The following COG5 variants were observed in gnomAD, a reference collection of about 807,000 sequenced individuals.
The protein encoded by COG5 is conserved oligomeric Golgi complex subunit 5.
Under a neutral mutation model 110.4 loss-of-function variants are expected in COG5, and 86 were observed. The ratio of observed to expected loss-of-function variants is 0.78; its 90% confidence interval spans 0.65 to 0.93. The LOEUF (loss-of-function observed/expected upper bound fraction) is 0.93. COG5 is among the 40% of genes least tolerant of loss of function. The pLI is 0.00. For missense variants in COG5, 1,077 were observed against 987.0 expected (o/e 1.09, Z -1.22); for synonymous variants, 360 against 334.6 (o/e 1.08, Z -0.83).
At position 107,526,946 on chromosome 7, in the gene COG5, G is replaced by T. The variant is rs187244889; in HGVS notation, c.538+291C>A. The stretch of plus-strand genomic sequence containing the variant: ...TCTGGAGGAGTGATGGAATTGTTCT[G>T]TATCATGACTGTAATGGTGCTTACA... On this transcript the variant is annotated intron_variant, in intron 6 of 21. Coordinates refer to ENST00000297135, the MANE Select transcript of COG5 (RefSeq NM_006348.5). Among the ~76,000 whole-genome samples, 11 of 152,222 alleles carry T rather than the reference G, an allele frequency of 7.2e-5. No homozygotes were observed. In the South Asian group the frequency reaches 2.3e-3, roughly 32 times the overall value.
intron 6 of COG5, among the ~76,000 whole-genome samples, chr7:107,454,432 ATTG>A (rs965762933): frequency 6.6e-6 from 1 of 152,146 alleles, no homozygotes; most frequent in Admixed American, 6.5e-5. Flanking sequence ...AATAGAACAA[ATTG>A]TTGTAAGAAC....
At chr7:107,203,745 C>T (rs1562907854) in intron 21 of COG5, 115 bp from the exon 22 acceptor site, 10 of 719,528 alleles carry the variant, frequency 1.4e-5, no homozygotes, top group Admixed American at 1.1e-4. Context: ...TGTTAATGCT[C>T]GGTTTCACAA....
chr7:107,514,369 C>CAA lies in COG5; in HGVS notation c.538+12867_538+12868insTT, dbSNP rs1563076917. 2.1e-5 allele frequency among the ~76,000 whole-genome samples: 3 copies of CAA among 139,712 alleles called. No individual in the cohort carries two copies. In the South Asian group the frequency reaches 6.7e-4, roughly 31 times the overall value. 91.7% of individuals were successfully genotyped at this position (139,712 alleles called of 152,430 possible). A position where few individuals can be genotyped will look rare whatever the true frequency, so the allele number is the denominator to read the frequency against. On this transcript the variant is annotated intron_variant, in intron 6 of 21. Coordinates refer to ENST00000297135, the MANE Select transcript of COG5 (RefSeq NM_006348.5). ...ACACACACACACACACACACACACACATATTTTATATTTTGGTTTATTATG... is the reference window on the plus strand; with the variant it reads ...ACACACACACACACACACACACACACAAATATTTTATATTTTGGTTTATTATG...
intron 2 of COG5, among the ~76,000 whole-genome samples, chr7:107,555,315 T>C (rs978951264): frequency 6.6e-6 from 1 of 152,194 alleles, no homozygotes; most frequent in Non-Finnish European, 1.5e-5. Context: ...GGAATCCTTA[T>C]TATTGTGTGC....
chr7:107,558,323 CACACTGGCTCATGCCTGTA>C (rs1803483171), intron 1 of COG5, among the ~76,000 whole-genome samples: 1 of 152,210 alleles, frequency 6.6e-6, no homozygotes, highest in South Asian at 2.1e-4. Context: ...ACTGGCCAGG[CACACTGGCTCATGCCTGTA>C]ATCCCAGCAC....
Position 107,248,419 on chromosome 7 carries a change from G to A in COG5, c.1830C>T (p.Thr610=). ...VGDAIEAIII[T]MHQEDFSGSL... ...ACCCAGAAAAGTCTTCTTGATGCAT[G>A]GTGATGATTATGGCCTCTATAGCAT... Residue 610 remains threonine (T), a synonymous_variant, in exon 17 of 22, where the codon ACC becomes ACT. Transcript: ENST00000297135. 6.2e-7 allele frequency: 1 copy of A among 1,610,572 alleles called. No homozygotes were observed. Among genetic ancestry groups the A allele is most frequent in the Non-Finnish European group, 8.5e-7 (1 of 1,177,364 alleles).
rs1405722818 is a variant in COG5, at chr7:107,558,074, T to C, written c.136A>G (p.Thr46Ala). 3 of 1,613,772 alleles carry C rather than the reference T, an allele frequency of 1.9e-6. No homozygotes were observed. The African/African-American group carries it at 4.0e-5, about 22-fold the overall frequency. ...TGATGAATAGATTGAGAAGTATAAG[T>C]CTTTACATCAAAGTCTTCGTTTAAA... Reference protein sequence around the residue: ...DFLNEDFDVKTYTSQSIHQAV... With the variant: ...DFLNEDFDVKAYTSQSIHQAV... Residue 46 changes from threonine (T) to alanine (A), a missense_variant, in exon 2 of 22, where the codon ACT becomes GCT. Coordinates refer to ENST00000297135, the MANE Select transcript of COG5 (RefSeq NM_006348.5).
At chr7:107,563,544 TGGGG>T (rs71134268) in intron 1 of COG5, 109 of 256,288 alleles carry the variant, frequency 4.3e-4, no homozygotes, top group African/African-American at 9.8e-4. Context: ...GCTGGAGGCA[TGGGG>T]GGGGGGGGGG....
intron 6 of COG5, among the ~76,000 whole-genome samples, chr7:107,508,629 C>G (rs926325097): frequency 7.2e-5 from 11 of 152,208 alleles, no homozygotes; most frequent in Non-Finnish European, 1.5e-5. Flanking sequence ...GAGGCACCCC[C>G]CAGTAGGGGC....
intron 21 of COG5, among the ~76,000 whole-genome samples, chr7:107,207,646 G>C (rs903554112): frequency 1.3e-5 from 2 of 152,182 alleles, no homozygotes; most frequent in East Asian, 1.9e-4. Flanking sequence ...CCACAGGCAC[G>C]AGCCAGGCGG....
chr7:107,290,334 A>G (rs1806056746), intron 12 of COG5, among the ~76,000 whole-genome samples: 1 of 152,178 alleles, frequency 6.6e-6, no homozygotes, highest in African/African-American at 2.4e-5. Flanking sequence ...TCCTTCAGTG[A>G]CTAGAGTCTC....
At chr7:107,386,299 T>C (rs983637460) in intron 7 of COG5, among the ~76,000 whole-genome samples, 3 of 151,450 alleles carry the variant, frequency 2.0e-5, no homozygotes, top group African/African-American at 7.3e-5. Context: ...GGGGCCGGGG[T>C]TGCAACTGTT....
intron 11 of COG5, among the ~76,000 whole-genome samples, chr7:107,311,706 T>C (rs1307483727): frequency 2.0e-5 from 3 of 152,118 alleles, no homozygotes; most frequent in Non-Finnish European, 4.4e-5. Flanking sequence ...TTTTTTTCCC[T>C]ATAGAGTTTT....
At chr7:107,528,398 C>G (rs1412539248) in intron 5 of COG5, among the ~76,000 whole-genome samples, 1 of 152,156 alleles carries the variant, frequency 6.6e-6, no homozygotes, top group Non-Finnish European at 1.5e-5. Flanking sequence ...GATTTTTAAT[C>G]ACTAATAAAT....
intron 11 of COG5, among the ~76,000 whole-genome samples, chr7:107,310,224 C>T (rs1014264966): frequency 2.0e-5 from 3 of 152,124 alleles, no homozygotes; most frequent in Admixed American, 6.6e-5. Context: ...CAATCCAACA[C>T]GAGCAAAGAA....
At chr7:107,290,588 T>C (rs1309205117) in intron 12 of COG5, among the ~76,000 whole-genome samples, 1 of 152,244 alleles carries the variant, frequency 6.6e-6, no homozygotes, top group Non-Finnish European at 1.5e-5. Flanking sequence ...CTTTCTTTAG[T>C]ATTTCTTGTA....
At chr7:107,315,615 T>C (rs1204034039) in intron 11 of COG5, among the ~76,000 whole-genome samples, 1 of 152,126 alleles carries the variant, frequency 6.6e-6, no homozygotes, top group South Asian at 2.1e-4. Context: ...AAAGAACATA[T>C]TCCTAACTAG....
chr7:107,253,186 G>C (rs1164008218), intron 16 of COG5: 1 of 152,140 alleles, frequency 6.6e-6, no homozygotes, highest in African/African-American at 2.4e-5. Context: ...CTTTATTGCT[G>C]GGTGAGGTTT....
intron 6 of COG5, among the ~76,000 whole-genome samples, chr7:107,432,923 T>C (rs1794126385): frequency 6.6e-6 from 1 of 152,058 alleles, no homozygotes; most frequent in Admixed American, 6.6e-5. Context: ...ATCTTAGATA[T>C]AGCAAACCTT....
Sources: gnomAD v4.1 joint callset for allele counts (sites outside exome capture counted in the v4.1 genomes callset) on GRCh38, gnomAD v4.1.1 for gene constraint, MANE v1.5 for transcripts, NCBI Gene and HGNC (gene_info 2026-07-23, HGNC 2026-07-21) for gene names.